The following SEMA6B variants were observed in gnomAD, a reference collection of about 807,000 sequenced individuals.
SEMA6B encodes the protein semaphorin-6B.
SEMA6B carries 47 observed loss-of-function variants against 78.6 expected under a neutral mutation model. The observed-to-expected ratio is 0.60, with a 90% CI of 0.47 to 0.76. The LOEUF is 0.76. Ranked by LOEUF, SEMA6B falls within the 30% of genes least tolerant of loss-of-function variation. The probability of loss-of-function intolerance (pLI) is 0.00; values close to 1 mark genes in which losing one functional copy is unlikely to be tolerated. For synonymous variants in SEMA6B, 632 were observed against 592.2 expected (o/e 1.07, Z -0.98); for missense variants, 1,213 against 1,269.9 (o/e 0.96, Z 0.68).
Position 4,543,239 on chromosome 19 carries a change from C to T in SEMA6B, c.*362G>A, listed in dbSNP as rs546844983. ...GTGGCCCCCCATTCCCCACCGGCGTCCAAGCCTCCCCTGCCTGCCGCCACC... is the reference window on the plus strand; with the variant it reads ...GTGGCCCCCCATTCCCCACCGGCGTTCAAGCCTCCCCTGCCTGCCGCCACC... On this transcript the variant is annotated 3_prime_UTR_variant, in exon 17 of 17. Coordinates refer to ENST00000586582, the MANE Select transcript of SEMA6B (RefSeq NM_032108.4). 19 of 534,202 alleles carry T rather than the reference C, an allele frequency of 3.6e-5. 1 individual carries two copies. In the South Asian group the frequency reaches 5.2e-4, roughly 15 times the overall value. 33.1% of individuals were successfully genotyped at this position (534,202 alleles called of 1,614,324 possible). A position where few individuals can be genotyped will look rare whatever the true frequency, so the allele number is the denominator to read the frequency against.
chr19:4,548,058 C>A lies in SEMA6B; in HGVS notation c.1570G>T (p.Ala524Ser). 6.3e-7 allele frequency: 1 copy of A among 1,583,396 alleles called. No individual in the cohort carries two copies. Among genetic ancestry groups the A allele is most frequent in the Non-Finnish European group, 8.6e-7 (1 of 1,169,406 alleles). Residue 524 changes from alanine (A) to serine (S), a missense_variant, in exon 14 of 17, where the codon GCT (alanine) becomes TCT (serine). Transcript: ENST00000586582. The part of the protein sequence containing the change: ...FPRCVVRVPV[A>S]RCQQYSGCMK... Reference sequence around the variant, plus strand: ...CACCCCGAGTACTGCTGGCAGCGAGCCACAGGCACTCGGACCACGCAGCGG... The same window carrying A: ...CACCCCGAGTACTGCTGGCAGCGAGACACAGGCACTCGGACCACGCAGCGG...
At position 4,550,118 on chromosome 19, in the gene SEMA6B, C is replaced by T; in HGVS notation, c.1271+5G>A. On this transcript the variant is annotated splice_donor_5th_base_variant and intron_variant, in intron 12 of 16. Transcript: ENST00000586582. This position sits in a 1 kb window ranked among gnomAD's most constrained non-coding sequence, Gnocchi z 6.6. The stretch of plus-strand genomic sequence containing the variant: ...CTCGCCATGCCCTGCCTCTCCAGGA[C>T]CGACCTCATCAGGGTCCGCAGGATC... The T allele has an allele frequency of 6.2e-7, 1 of 1,613,564 alleles. No individual in the cohort carries two copies. The highest frequency in any genetic ancestry group is 8.5e-7 in the Non-Finnish European group (1 of 1,179,932).
In SEMA6B at chr19:4,550,320, A is replaced by G; in HGVS notation, c.1122-48T>C. ...CAGGACGAACGTAAAGGTTCTCATA[A>G]AGGGGCCTGATTCACCAGAGGTACC... On this transcript the variant is annotated intron_variant, in intron 11 of 16. Transcript: ENST00000586582. The surrounding 1 kb of genome is among the most constrained non-coding windows in gnomAD (Gnocchi z 6.6). 1 of 1,602,074 alleles carries G rather than the reference A, an allele frequency of 6.2e-7. No homozygotes were observed. The highest frequency in any genetic ancestry group is 8.5e-7 in the Non-Finnish European group (1 of 1,171,024).
chr19:4,543,693 G>A lies in SEMA6B; in HGVS notation c.2575C>T (p.Arg859Cys), dbSNP rs1362819705. The change falls in exon 17 of 17, where the codon CGC becomes TGC. Residue 859 changes from arginine (R) to cysteine (C), a missense_variant. Physicochemically the swap from Arg to Cys is radical, Grantham distance 180 (BLOSUM62 -3). Coordinates refer to ENST00000586582, the MANE Select transcript of SEMA6B (RefSeq NM_032108.4). ...FNSGEARPGD[R>C]HRGCHARPGT... ...GGCCGGGCGTGGCAGCCGCGGTGGC[G>A]GTCCCCAGGCCGGGCCTCGCCGCTG... 5.7e-6 allele frequency: 7 copies of A among 1,230,204 alleles called. No homozygotes were observed. The highest frequency in any genetic ancestry group is 7.1e-6 in the Non-Finnish European group (7 of 986,994). The allele number at this position is 1,230,204 out of a possible 1,614,324, so 76.2% of individuals were successfully genotyped here.
At chr19:4,553,358 G>A (rs1025100620) in intron 9 of SEMA6B, among the ~76,000 whole-genome samples, 3 of 149,350 alleles carry the variant, frequency 2.0e-5, no homozygotes, top group African/African-American at 7.4e-5. Context: ...GAGTTGGGTG[G>A]GTAGATGGTT....
chr19:4,547,234 T>C (rs1043937821), intron 14 of SEMA6B, among the ~76,000 whole-genome samples: 1 of 152,106 alleles, frequency 6.6e-6, no homozygotes, highest in African/African-American at 2.4e-5. Flanking sequence ...GCCTCCCAAG[T>C]GCTGGGATGA....
At chr19:4,554,795 T>C (rs1012845682) in intron 8 of SEMA6B, among the ~76,000 whole-genome samples, 181 bp downstream of exon 8, 1 of 152,260 alleles carries the variant, frequency 6.6e-6, no homozygotes, top group African/African-American at 2.4e-5. Flanking sequence ...GGTTCTACTT[T>C]AGATCCAACT....
Position 4,544,068 on chromosome 19 carries a change from C to A in SEMA6B, c.2200G>T (p.Ala734Ser). Residue 734 changes from alanine (A) to serine (S), a missense_variant, in exon 17 of 17, where the codon GCC becomes TCC. Physicochemically the swap from Ala to Ser is moderately conservative, Grantham distance 99 (BLOSUM62 1). Transcript: ENST00000586582. The surrounding 1 kb of genome is among the most constrained non-coding windows in gnomAD (Gnocchi z 5.1). Reference protein sequence around the residue: ...HPHPHALGPRAWDHGHPLLPA... With the variant: ...HPHPHALGPRSWDHGHPLLPA... ...AGCAGGGGGTGGCCGTGGTCCCAGG[C>A]GCGGGGGCCCAGGGCGTGGGGGTGC... 4.1e-6 allele frequency: 5 copies of A among 1,230,988 alleles called. No homozygotes were observed. Among genetic ancestry groups the A allele is most frequent in the East Asian group, 3.4e-5 (1 of 29,834 alleles). 76.3% of individuals were successfully genotyped at this position (1,230,988 alleles called of 1,614,324 possible).
chr19:4,546,186 G>A (rs369901234), intron 16 of SEMA6B, 30 bp downstream of exon 16: 20 of 1,581,618 alleles, frequency 1.3e-5, no homozygotes, highest in Non-Finnish European at 1.6e-5. Flanking sequence ...TGGGGGATGG[G>A]GGTCTTAGCC....
rs997995586 is a variant in SEMA6B at position 4,558,639 on chromosome 19, T to C, written c.-32-150A>G. The C allele has an allele frequency of 2.4e-6, 1 of 424,390 alleles. No individual in the cohort carries two copies. The allele number at this position is 424,390 out of a possible 1,614,324, so 26.3% of individuals were successfully genotyped here. On this transcript the variant is annotated intron_variant, in intron 1 of 16. Coordinates refer to ENST00000586582, the MANE Select transcript of SEMA6B (RefSeq NM_032108.4). This position sits in a 1 kb window ranked among gnomAD's most constrained non-coding sequence, Gnocchi z 5.1. ...AAAACAATAATGGCAATAATAATAA[T>C]AATACACAGCACTGATTTAATTATC...
chr19:4,542,842 GCAGGCCCTCCTC>G lies in SEMA6B; in HGVS notation c.*747_*758del, dbSNP rs1977052324. 8.5e-6 allele frequency: 6 copies of G among 702,028 alleles called. No individual in the cohort carries two copies. The highest frequency in any genetic ancestry group is 1.3e-5 in the Non-Finnish European group (5 of 384,806). 43.5% of individuals were successfully genotyped at this position (702,028 alleles called of 1,614,324 possible). On this transcript the variant is annotated 3_prime_UTR_variant, in exon 17 of 17. Transcript: ENST00000586582. ...CAGCTGCTGCCGATGTGACTTCCGG[GCAGGCCCTCCTC>G]GTGTCTCCTGCCTGAAACCCCGGCA... is the stretch of plus-strand genomic sequence containing the variant.
intron 4 of SEMA6B, 34 bp from the exon 5 acceptor site, chr19:4,557,047 G>A (rs766322781): frequency 1.2e-6 from 2 of 1,605,490 alleles, no homozygotes; most frequent in African/African-American, 1.3e-5. Context: ...GGGGGTAACG[G>A]GTCCCAGCAG....
At chr19:4,548,482 A>T (rs1599775907) in intron 12 of SEMA6B, 37 bp from the exon 13 acceptor site, 2 of 1,579,522 alleles carry the variant, frequency 1.3e-6, no homozygotes, top group African/African-American at 1.3e-5. Context: ...GGCTGGCCCC[A>T]TATCACCACA....
At chr19:4,546,067 G>A (rs574446208) in intron 16 of SEMA6B, 149 bp downstream of exon 16, 24 of 798,312 alleles carry the variant, frequency 3.0e-5, no homozygotes, top group Admixed American at 1.2e-4. Flanking sequence ...CACCGCGCCC[G>A]GCCCACCCCA....
intron 14 of SEMA6B, 95 bp downstream of exon 14, chr19:4,547,932 G>A (rs1599775067): frequency 7.2e-7 from 1 of 1,384,500 alleles, no homozygotes; most frequent in African/African-American, 1.4e-5. Context: ...CAATGACCAG[G>A]ACATCATTGG....
rs1207016415 is a variant in SEMA6B at position 4,543,272 on chromosome 19, C to T, written c.*329G>A. Reference sequence around the variant, plus strand: ...CCCCTGCCTGCCGCCACCCCGAGAACGGAGTTGTGCAATTGGTTAGAAAAC... The same window carrying T: ...CCCCTGCCTGCCGCCACCCCGAGAATGGAGTTGTGCAATTGGTTAGAAAAC... On this transcript the variant is annotated 3_prime_UTR_variant, in exon 17 of 17. Transcript: ENST00000586582. 25 of 523,630 alleles carry T rather than the reference C, an allele frequency of 4.8e-5. 1 individual carries two copies. In the South Asian group the frequency reaches 6.2e-4, roughly 13 times the overall value. 32.4% of individuals were successfully genotyped at this position (523,630 alleles called of 1,614,324 possible). A position where few individuals can be genotyped will look rare whatever the true frequency, so the allele number is the denominator to read the frequency against.
Position 4,550,343 on chromosome 19 carries a change from A to G in SEMA6B, c.1122-71T>C. ...TAAAGGGGCCTGATTCACCAGAGGT[A>G]CCCATTGCTTTGCCCAACGACCCTC... On this transcript the variant is annotated intron_variant, in intron 11 of 16. Transcript: ENST00000586582. This position sits in a 1 kb window ranked among gnomAD's most constrained non-coding sequence, Gnocchi z 6.6. The G allele has an allele frequency of 5.2e-6, 8 of 1,535,172 alleles. No homozygotes were observed. Among genetic ancestry groups the G allele is most frequent in the South Asian group, 1.1e-5 (1 of 88,890 alleles).
chr19:4,552,607 C>T lies in SEMA6B; in HGVS notation c.804G>A (p.Lys268=), dbSNP rs774677198. The part of the protein sequence containing the change: ...VVVSRVARVC[K]NDVGGSPRVL... The stretch of plus-strand genomic sequence containing the variant: ...CGCGGGGGGAGCCTCCCACGTCGTT[C>T]TTGCACACTCGGGCCACGCGGGACA... Residue 268 remains lysine (K), a synonymous_variant, in exon 10 of 17, where the codon AAG becomes AAA. Coordinates refer to ENST00000586582, the MANE Select transcript of SEMA6B (RefSeq NM_032108.4). The surrounding 1 kb of genome is among the most constrained non-coding windows in gnomAD (Gnocchi z 7.4). 114 of 1,611,504 alleles carry T rather than the reference C, an allele frequency of 7.1e-5. No individual in the cohort carries two copies. Among genetic ancestry groups the T allele is most frequent in the Non-Finnish European group, 9.5e-5 (112 of 1,179,136 alleles).
At position 4,544,704 on chromosome 19, in the gene SEMA6B, C is replaced by G. The variant is rs554523530; in HGVS notation, c.1739-175G>C. ...AGGCTGGAGTGCAGTGGGGCGATCT[C>G]GATTCACTGCAACCTCCGCCTCCCA... On this transcript the variant is annotated intron_variant, in intron 16 of 16. Transcript: ENST00000586582. The surrounding 1 kb of genome is among the most constrained non-coding windows in gnomAD (Gnocchi z 5.1). 6.6e-6 allele frequency among the ~76,000 whole-genome samples: 1 copy of G among 151,858 alleles called. No individual in the cohort carries two copies. Among genetic ancestry groups the G allele is most frequent in the African/African-American group, 2.4e-5 (1 of 41,386 alleles).
Sources: gnomAD v4.1 joint callset for allele counts (sites outside exome capture counted in the v4.1 genomes callset) on GRCh38, gnomAD v4.1.1 for gene constraint, Gnocchi (gnomAD v3.1) non-coding constraint, MANE v1.5 for transcripts, NCBI Gene and HGNC (gene_info 2026-07-23, HGNC 2026-07-21) for gene names.